BEND3: variants seen among roughly 807,000 people sequenced by gnomAD.
BEND3 encodes BEN domain-containing protein 3.
Under a neutral mutation model 60.1 loss-of-function variants are expected in BEND3, and 13 were observed. The observed-to-expected ratio is 0.22, with a 90% CI of 0.14 to 0.34. The LOEUF is 0.34. Ranked by LOEUF, BEND3 falls within the 10% of genes least tolerant of loss-of-function variation. The probability of loss-of-function intolerance (pLI) is 1.00; values close to 1 mark genes in which losing one functional copy is unlikely to be tolerated. For synonymous variants in BEND3, 497 were observed against 491.5 expected (o/e 1.01, Z -0.15); for missense variants, 896 against 1,138.1 (o/e 0.79, Z 3.06).
chr6:107,107,746 G>A (rs1775849635), intron 1 of BEND3, among the ~76,000 whole-genome samples: 1 of 152,232 alleles, frequency 6.6e-6, no homozygotes, highest in African/African-American at 2.4e-5. Flanking sequence ...ACAGGTGTGA[G>A]CCATCCCGCC....
At chr6:107,077,084 C>T (rs188689827) in intron 3 of BEND3, among the ~76,000 whole-genome samples, 93 of 152,120 alleles carry the variant, frequency 6.1e-4, no homozygotes, top group Admixed American at 1.0e-3. Flanking sequence ...GGGCAGGTCT[C>T]CCTCTAGAAC....
At chr6:107,102,319 GA>G (rs1775719197) in intron 1 of BEND3, among the ~76,000 whole-genome samples, 2 of 152,102 alleles carry the variant, frequency 1.3e-5, no homozygotes, top group African/African-American at 4.8e-5. Flanking sequence ...CCTATTTTCT[GA>G]TTTTTTATTT....
At chr6:107,089,503 G>GCACT (rs1775426831) in intron 3 of BEND3, among the ~76,000 whole-genome samples, 2 of 150,340 alleles carry the variant, frequency 1.3e-5, no homozygotes, top group Non-Finnish European at 3.0e-5. Flanking sequence ...GGAGAATGGT[G>GCACT]TGAACCCAGG....
intron 3 of BEND3, among the ~76,000 whole-genome samples, chr6:107,077,657 C>T (rs1488067105): frequency 6.6e-6 from 1 of 152,168 alleles, no homozygotes; most frequent in African/African-American, 2.4e-5. Flanking sequence ...GCACCTAAGG[C>T]TTCTCATGCA....
intron 3 of BEND3, among the ~76,000 whole-genome samples, chr6:107,091,892 C>A (rs1280091723): frequency 3.3e-5 from 5 of 151,986 alleles, no homozygotes; most frequent in Non-Finnish European, 7.4e-5. Context: ...AGATGAAAAA[C>A]CCTCAATAAA....
chr6:107,068,713 C>T lies in BEND3; in HGVS notation c.2478G>A (p.Val826=), dbSNP rs1554231234. Residue 826 remains valine, a synonymous_variant, in exon 4 of 4, where the codon GTG becomes GTA. Coordinates refer to ENST00000369042, the MANE Select transcript of BEND3 (RefSeq NM_001367314.1). This position sits in a 1 kb window ranked among gnomAD's most constrained non-coding sequence, Gnocchi z 5.8. ...GGCAGGTCACGGGCCTTCACTTCTC[C>T]ACTTTCTTTGCTTTCTTGAGGATGT... ...KCDILKKAKK[V]EK is the part of the protein sequence containing the mutation. 1 of 1,613,076 alleles carries T rather than the reference C, an allele frequency of 6.2e-7. No individual in the cohort carries two copies. Among genetic ancestry groups the T allele is most frequent in the Admixed American group, 1.7e-5 (1 of 59,968 alleles).
intron 3 of BEND3, among the ~76,000 whole-genome samples, chr6:107,096,476 G>A (rs1775587547): frequency 6.6e-6 from 1 of 152,034 alleles, no homozygotes; most frequent in African/African-American, 2.4e-5. Context: ...GCCAGGCGTG[G>A]TGGTGCCCAC....
At chr6:107,105,370 CA>C (rs1180511323) in intron 1 of BEND3, among the ~76,000 whole-genome samples, 2 of 83,004 alleles carry the variant, frequency 2.4e-5, no homozygotes, top group Non-Finnish European at 4.6e-5. Context: ...GACTCTGTCT[CA>C]AAAAAGAAAA....
intron 3 of BEND3, among the ~76,000 whole-genome samples, chr6:107,089,346 G>T (rs1326704208): frequency 6.6e-6 from 1 of 151,884 alleles, no homozygotes; most frequent in African/African-American, 2.4e-5. Flanking sequence ...ACTTTGGGAG[G>T]CCAAGGCAGG....
chr6:107,098,299 A>G (rs1775630196), intron 3 of BEND3, among the ~76,000 whole-genome samples: 1 of 152,218 alleles, frequency 6.6e-6, no homozygotes, highest in Non-Finnish European at 1.5e-5. Context: ...CACAAAGCAC[A>G]GCAAAATAAC....
At chr6:107,092,748 C>T (rs1309605150) in intron 3 of BEND3, among the ~76,000 whole-genome samples, 2 of 152,148 alleles carry the variant, frequency 1.3e-5, no homozygotes, top group Non-Finnish European at 2.9e-5. Flanking sequence ...CAAAAAACAA[C>T]TGGAACTAAT....
In BEND3 at chr6:107,079,280, T is replaced by C. The variant is rs536005284; in HGVS notation, c.241-8330A>G. ...ATTCATTTTCCTTCTGGCTCCCCCATCTGCTGAGAGCTACTTCCACTCAAT... is the reference window on the plus strand; with the variant it reads ...ATTCATTTTCCTTCTGGCTCCCCCACCTGCTGAGAGCTACTTCCACTCAAT... On this transcript the variant is annotated intron_variant, in intron 3 of 3. Transcript: ENST00000369042. Among the ~76,000 whole-genome samples, 75 of 152,254 alleles carry C rather than the reference T, an allele frequency of 4.9e-4. 2 individuals carry two copies. The South Asian group carries it at 0.015, about 31-fold the overall frequency.
chr6:107,074,643 A>G (rs947158541), intron 3 of BEND3, among the ~76,000 whole-genome samples: 1 of 152,072 alleles, frequency 6.6e-6, no homozygotes, highest in African/African-American at 2.4e-5. Context: ...TAAGCCCTTT[A>G]TGTTTCTTCT....
chr6:107,087,048 GA>G (rs1372769033), intron 3 of BEND3, among the ~76,000 whole-genome samples: 447 of 141,098 alleles, frequency 3.2e-3, no homozygotes, highest in Non-Finnish European at 5.4e-3. Flanking sequence ...AAAAGAAAAA[GA>G]AAAAAAAACT....
At chr6:107,091,821 C>G (rs1554235257) in intron 3 of BEND3, among the ~76,000 whole-genome samples, 1 of 152,138 alleles carries the variant, frequency 6.6e-6, no homozygotes, top group Admixed American at 6.5e-5. Context: ...TACCTTAATA[C>G]CAAAACCAGA....
chr6:107,113,401 G>GCA (rs1582680316), intron 1 of BEND3, among the ~76,000 whole-genome samples: 1 of 131,296 alleles, frequency 7.6e-6, no homozygotes, highest in East Asian at 2.4e-4. Flanking sequence ...TCAAGCCACT[G>GCA]CACTCCAGCC....
intron 3 of BEND3, among the ~76,000 whole-genome samples, chr6:107,076,692 C>A (rs1462417818): frequency 6.6e-6 from 1 of 152,130 alleles, no homozygotes; most frequent in East Asian, 1.9e-4. Flanking sequence ...CGCTGGAACA[C>A]TCAGAAAGCA....
chr6:107,100,642 G>A (rs1775684720), intron 1 of BEND3, among the ~76,000 whole-genome samples: 1 of 151,986 alleles, frequency 6.6e-6, no homozygotes, highest in South Asian at 2.1e-4. Context: ...TGCCTCAGCT[G>A]GAATGGAACT....
At position 107,068,828 on chromosome 6, in the gene BEND3, T is replaced by C; in HGVS notation, c.2363A>G (p.Tyr788Cys). 1.2e-6 allele frequency: 2 copies of C among 1,614,100 alleles called. No homozygotes were observed. Among genetic ancestry groups the C allele is most frequent in the Non-Finnish European group, 1.7e-6 (2 of 1,180,040 alleles). Residue 788 changes from tyrosine to cysteine, a missense_variant, in exon 4 of 4, where the codon TAC becomes TGC. Around this residue, in one of 4 missense-constraint regions of BEND3, gnomAD observed 29 missense variants for 51.9 expected, o/e 0.56. Transcript: ENST00000369042. This position sits in a 1 kb window ranked among gnomAD's most constrained non-coding sequence, Gnocchi z 5.8. ...CACCTCCTCCATCTTCTCCACCGGG[T>C]AGACGGCTTCCACGTAGTGGCGGAT... ...RLIRHYVEAV[Y>C]PVEKMEEVWH... is the part of the protein sequence containing the mutation.
Sources: gnomAD v4.1 joint callset for allele counts (sites outside exome capture counted in the v4.1 genomes callset) on GRCh38, gnomAD v4.1.1 for gene constraint, gnomAD v4.1.1 regional missense constraint, Gnocchi (gnomAD v3.1) non-coding constraint, MANE v1.5 for transcripts, NCBI Gene and HGNC (gene_info 2026-07-23, HGNC 2026-07-21) for gene names.